Variants in ARHGAP26 observed in about 807,000 individuals in gnomAD.
The protein encoded by ARHGAP26 is rho GTPase-activating protein 26.
Under a neutral mutation model 104.8 loss-of-function variants are expected in ARHGAP26, and 38 were observed. The observed-to-expected ratio is 0.36, with a 90% CI of 0.28 to 0.48. ARHGAP26 has a LOEUF of 0.48. Among genes scored for constraint, ARHGAP26 ranks in the 20% least tolerant of loss-of-function variants. ARHGAP26 has a pLI of 0.99. For missense variants in ARHGAP26, 704 were observed against 947.9 expected (o/e 0.74, Z 3.38); for synonymous variants, 341 against 340.0 (o/e 1.00, Z -0.03).
chr5:142,870,940 C>T (rs1755195426), intron 1 of ARHGAP26, among the ~76,000 whole-genome samples: 1 of 152,166 alleles, frequency 6.6e-6, no homozygotes, highest in Non-Finnish European at 1.5e-5. Flanking sequence ...GGAATGGATT[C>T]CAAACAAGTA....
chr5:143,160,204 T>C (rs1035828460), intron 20 of ARHGAP26, among the ~76,000 whole-genome samples: 1 of 151,602 alleles, frequency 6.6e-6, no homozygotes, highest in Admixed American at 6.6e-5. Context: ...GGACTACAGG[T>C]GCCCGCCACC....
At chr5:142,971,894 G>T (rs1021164520) in intron 11 of ARHGAP26, among the ~76,000 whole-genome samples, 2 of 152,162 alleles carry the variant, frequency 1.3e-5, no homozygotes, top group Non-Finnish European at 2.9e-5. Context: ...TTAAGATACA[G>T]TTGTGGGCCA....
chr5:142,873,407 T>G lies in ARHGAP26; in HGVS notation c.162T>G (p.Ser54=). 1 of 1,591,824 alleles carries G rather than the reference T, an allele frequency of 6.3e-7. No individual in the cohort carries two copies. The highest frequency in any genetic ancestry group is 8.5e-7 in the Non-Finnish European group (1 of 1,174,320). Residue 54 remains serine (S), a synonymous_variant, in exon 2 of 23, where the codon TCT becomes TCG. Transcript: ENST00000645722. ...CTGTCTTTTTCTTGCTAGATTTGTC[T>G]TCAGCGAAGCGGAAGTTTGCAGATT... The part of the protein sequence containing the change: ...KSLISALKNL[S]SAKRKFADSL...
intron 11 of ARHGAP26, among the ~76,000 whole-genome samples, chr5:142,934,350 T>C (rs140074418): frequency 6.6e-6 from 1 of 152,332 alleles, no homozygotes; most frequent in Non-Finnish European, 1.5e-5. Context: ...CACAAAATAA[T>C]TTTGTTTCTA....
At chr5:142,795,861 T>C (rs535936848) in intron 1 of ARHGAP26, among the ~76,000 whole-genome samples, 1 of 152,170 alleles carries the variant, frequency 6.6e-6, no homozygotes, top group Non-Finnish European at 1.5e-5. Context: ...ATGGAATGGA[T>C]AGAAATCATG....
In ARHGAP26 at chr5:142,913,207, T is replaced by C. The variant is rs761629545; in HGVS notation, c.942T>C (p.Asp314=). The change falls in exon 10 of 23, where the codon GAT becomes GAC. Residue 314 remains aspartate (D), a synonymous_variant. Transcript: ENST00000645722. The part of the protein sequence containing the change: ...DQKSGGKGGE[D]ESVILKSCTR... ...CTGTGTGTTCCCACTAGGGAGAAGA[T>C]GAATCAGTTATCCTCAAATCCTGCA... The C allele has an allele frequency of 1.2e-6, 2 of 1,614,114 alleles. No homozygotes were observed. Among genetic ancestry groups the C allele is most frequent in the East Asian group, 2.2e-5 (1 of 44,876 alleles).
At chr5:142,864,137 G>A (rs558808516) in intron 1 of ARHGAP26, among the ~76,000 whole-genome samples, 8 of 152,062 alleles carry the variant, frequency 5.3e-5, no homozygotes, top group Middle Eastern at 3.4e-3. Flanking sequence ...TTCTAGAAAC[G>A]TGTCTACCTT....
intron 11 of ARHGAP26, among the ~76,000 whole-genome samples, chr5:142,989,574 T>C (rs1775287134): frequency 6.6e-6 from 1 of 152,252 alleles, no homozygotes; most frequent in East Asian, 1.9e-4. Context: ...CTAGCATCAA[T>C]GGTCTTTACA....
chr5:142,936,544 G>A (rs986682062), intron 11 of ARHGAP26, among the ~76,000 whole-genome samples: 4 of 152,008 alleles, frequency 2.6e-5, no homozygotes, highest in Admixed American at 6.6e-5. Flanking sequence ...TATATATAAA[G>A]GCACAGAAAC....
intron 13 of ARHGAP26, among the ~76,000 whole-genome samples, chr5:143,039,660 G>T (rs1162396571): frequency 2.0e-5 from 3 of 151,778 alleles, no homozygotes; most frequent in Non-Finnish European, 2.9e-5. Context: ...TCATATACTT[G>T]CTTGAGCTGG....
chr5:143,031,729 T>G (rs974793446), intron 12 of ARHGAP26, among the ~76,000 whole-genome samples: 2 of 151,994 alleles, frequency 1.3e-5, no homozygotes, highest in African/African-American at 4.8e-5. Flanking sequence ...ACCTCCTCCT[T>G]TTATTTATTT....
intron 20 of ARHGAP26, among the ~76,000 whole-genome samples, chr5:143,167,060 T>C (rs1174811210): frequency 6.6e-6 from 1 of 152,190 alleles, no homozygotes; most frequent in Admixed American, 6.5e-5. Context: ...TGGTCACAAC[T>C]GTATAACAGC....
chr5:142,911,610 T>TAA (rs1761849241), intron 9 of ARHGAP26, among the ~76,000 whole-genome samples: 1 of 152,238 alleles, frequency 6.6e-6, no homozygotes, highest in Non-Finnish European at 1.5e-5. Context: ...ACCATCTTTA[T>TAA]AGATTTTTGC....
Position 142,877,707 on chromosome 5 carries a change from T to G in ARHGAP26, c.313-1667T>G, listed in dbSNP as rs187600596. On this transcript the variant is annotated intron_variant, in intron 3 of 22. Transcript: ENST00000645722. ...ATGACTGCATTCTCAATCATGGATG[T>G]CCACTGGAATAACTTGGGGAGTTTG... Among the ~76,000 whole-genome samples, 155 of 152,338 alleles carry G rather than the reference T, an allele frequency of 1.0e-3. 1 individual carries two copies. The highest frequency in any genetic ancestry group is 3.6e-3 in the African/African-American group (151 of 41,584).
chr5:142,867,063 A>G (rs1212608519), intron 1 of ARHGAP26, among the ~76,000 whole-genome samples: 2 of 152,156 alleles, frequency 1.3e-5, no homozygotes, highest in African/African-American at 2.4e-5. Context: ...GGACATTTCT[A>G]GGTGGTTATT....
Position 142,988,930 on chromosome 5 carries a change from A to G in ARHGAP26, c.1108-25150A>G, listed in dbSNP as rs553775933. Among the ~76,000 whole-genome samples, 338 of 152,306 alleles carry G rather than the reference A, an allele frequency of 2.2e-3. 3 individuals are homozygous for G. Among genetic ancestry groups the G allele is most frequent in the African/African-American group, 7.6e-3 (315 of 41,570 alleles). ...TTCCAACTATGTGGTTAATTTTGGAATAAGTGTCGTCTGGTGCTGAGAAGA... is the reference window on the plus strand; with the variant it reads ...TTCCAACTATGTGGTTAATTTTGGAGTAAGTGTCGTCTGGTGCTGAGAAGA... On this transcript the variant is annotated intron_variant, in intron 11 of 22. Transcript: ENST00000645722.
At chr5:142,782,196 T>A (rs1204169513) in intron 1 of ARHGAP26, among the ~76,000 whole-genome samples, 1 of 152,128 alleles carries the variant, frequency 6.6e-6, no homozygotes, top group East Asian at 1.9e-4. Flanking sequence ...TGATGGGGGA[T>A]ACAGAGTGAA....
chr5:143,155,595 GA>G (rs1289342133), intron 20 of ARHGAP26, among the ~76,000 whole-genome samples: 22 of 152,168 alleles, frequency 1.4e-4, no homozygotes, highest in African/African-American at 4.8e-4. Context: ...AAGCACCAGG[GA>G]CCCATCGGTG....
chr5:142,807,573 G>T (rs762274888), intron 1 of ARHGAP26, among the ~76,000 whole-genome samples: 1 of 152,194 alleles, frequency 6.6e-6, no homozygotes, highest in Non-Finnish European at 1.5e-5. Flanking sequence ...CTTTATTGCT[G>T]CCCCTCTGTC....
Sources: gnomAD v4.1 joint callset for allele counts (sites outside exome capture counted in the v4.1 genomes callset) on GRCh38, gnomAD v4.1.1 for gene constraint, MANE v1.5 for transcripts, NCBI Gene and HGNC (gene_info 2026-07-23, HGNC 2026-07-21) for gene names.